The following ELOVL2 variants were observed in gnomAD, a reference collection of about 807,000 sequenced individuals.
ELOVL2 encodes the protein very long chain fatty acid elongase 2.
A neutral mutation model predicts 37.7 loss-of-function variants in ELOVL2; 38 were observed. The ratio of observed to expected loss-of-function variants is 1.01; its 90% CI spans 0.78 to 1.32. The LOEUF is 1.32. Among genes scored for constraint, ELOVL2 ranks in the 40% most tolerant of loss-of-function variants. ELOVL2 has a pLI of 0.00. For synonymous variants in ELOVL2, 115 were observed against 122.3 expected (o/e 0.94, Z 0.40); for missense variants, 352 against 363.6 (o/e 0.97, Z 0.26).
chr6:10,985,346 G>A (rs1407855806), intron 7 of ELOVL2, among the ~76,000 whole-genome samples: 3 of 151,662 alleles, frequency 2.0e-5, no homozygotes, highest in Non-Finnish European at 2.9e-5. Flanking sequence ...CTTTTGCTGT[G>A]CAGAAGTTCT....
intron 1 of ELOVL2, among the ~76,000 whole-genome samples, chr6:11,029,334 G>C (rs1336005042): frequency 6.6e-6 from 1 of 151,612 alleles, no homozygotes; most frequent in Admixed American, 6.6e-5. Flanking sequence ...AAGTCGCTGC[G>C]TAACTTTGGG....
At chr6:10,989,617 C>A (rs1782109307) in intron 7 of ELOVL2, 86 bp downstream of exon 7, 5 of 1,366,436 alleles carry the variant, frequency 3.7e-6, no homozygotes, top group Middle Eastern at 4.3e-4. Context: ...CCAGCCTGGG[C>A]AATAAGAGCG....
chr6:11,024,120 T>C (rs560877018), intron 1 of ELOVL2, among the ~76,000 whole-genome samples: 1 of 152,332 alleles, frequency 6.6e-6, no homozygotes, highest in African/African-American at 2.4e-5. Flanking sequence ...GAGTATTATC[T>C]ATTTTACAGA....
At chr6:11,037,473 A>G (rs1399696001) in intron 1 of ELOVL2, among the ~76,000 whole-genome samples, 3 of 151,978 alleles carry the variant, frequency 2.0e-5, no homozygotes, top group African/African-American at 7.3e-5. Flanking sequence ...ACCATATATG[A>G]TATCAAAATT....
intron 4 of ELOVL2, among the ~76,000 whole-genome samples, chr6:10,997,063 ATC>A (rs1358605881): frequency 6.6e-6 from 1 of 151,824 alleles, no homozygotes; most frequent in East Asian, 2.0e-4. Flanking sequence ...GGTTTTTACC[ATC>A]TGTCTTAATA....
At chr6:10,984,521 C>G (rs1006276624) in intron 7 of ELOVL2, among the ~76,000 whole-genome samples, 5 of 120,920 alleles carry the variant, frequency 4.1e-5, no homozygotes, top group African/African-American at 1.6e-4. Flanking sequence ...TCCCCCCACC[C>G]CACAACAGTC....
intron 1 of ELOVL2, among the ~76,000 whole-genome samples, chr6:11,033,804 T>C (rs1258042810): frequency 6.6e-6 from 1 of 152,326 alleles, no homozygotes; most frequent in East Asian, 1.9e-4. Context: ...AAATCCATCA[T>C]GACAGGAATA....
Position 10,983,472 on chromosome 6 carries a change from C to A in ELOVL2, c.*309G>T, listed in dbSNP as rs773884175. 9.5e-5 allele frequency: 19 copies of A among 199,610 alleles called. 1 individual carries two copies. In the South Asian group the frequency reaches 1.2e-3, roughly 13 times the overall value. 12.4% of individuals were successfully genotyped at this position (199,610 alleles called of 1,614,324 possible). On this transcript the variant is annotated 3_prime_UTR_variant, in exon 8 of 8. Transcript: ENST00000354666. ...CTGTGAGAAACAATGCTCCACGTTT[C>A]CTGGCTGTGTATGCGTATAAGGCGT... is the stretch of plus-strand genomic sequence containing the variant.
rs1781963055 is a variant in ELOVL2, at chr6:10,982,779, T to C, written c.*1002A>G. The C allele has an allele frequency of 6.6e-6, 1 of 152,082 alleles. No homozygotes were observed. 9.4% of individuals were successfully genotyped at this position (152,082 alleles called of 1,614,324 possible). ...AAAAACTTAAATAACCTGTGAAGAG[T>C]GACAACAGGTATCTGAGGTAATATT... On this transcript the variant is annotated 3_prime_UTR_variant, in exon 8 of 8. Coordinates refer to ENST00000354666, the MANE Select transcript of ELOVL2 (RefSeq NM_017770.4).
At position 10,982,693 on chromosome 6, in the gene ELOVL2, C is replaced by G. The variant is rs1781960971; in HGVS notation, c.*1088G>C. ...TGGCATTTTTTATCGTGGCTCATGACCGGCCCACGGCTCAGTGCTGGAATC... is the reference window on the plus strand; with the variant it reads ...TGGCATTTTTTATCGTGGCTCATGAGCGGCCCACGGCTCAGTGCTGGAATC... On this transcript the variant is annotated 3_prime_UTR_variant, in exon 8 of 8. Coordinates refer to ENST00000354666, the MANE Select transcript of ELOVL2 (RefSeq NM_017770.4). 1 of 152,166 alleles carries G rather than the reference C, an allele frequency of 6.6e-6. No individual in the cohort carries two copies. Among genetic ancestry groups the G allele is most frequent in the South Asian group, 2.1e-4 (1 of 4,826 alleles). 9.4% of individuals were successfully genotyped at this position (152,166 alleles called of 1,614,324 possible). A position where few individuals can be genotyped will look rare whatever the true frequency, so the allele number is the denominator to read the frequency against.
At chr6:11,021,132 T>C (rs1290331272) in intron 1 of ELOVL2, among the ~76,000 whole-genome samples, 1 of 152,240 alleles carries the variant, frequency 6.6e-6, no homozygotes, top group East Asian at 1.9e-4. Flanking sequence ...TTGCTAAGTC[T>C]CTGCTCCTTC....
At chr6:10,999,872 A>G (rs1290874412) in intron 4 of ELOVL2, among the ~76,000 whole-genome samples, 1 of 152,190 alleles carries the variant, frequency 6.6e-6, no homozygotes, top group African/African-American at 2.4e-5. Flanking sequence ...TCCACTTGGT[A>G]GAGGCATCTG....
rs1214132056 is a variant in ELOVL2, at chr6:10,982,825, AGAGTT to A, written c.*951_*955del. The A allele has an allele frequency of 3.9e-5, 6 of 152,242 alleles. No individual in the cohort carries two copies. Among genetic ancestry groups the A allele is most frequent in the African/African-American group, 1.4e-4 (6 of 41,460 alleles). 9.4% of individuals were successfully genotyped at this position (152,242 alleles called of 1,614,324 possible). A position where few individuals can be genotyped will look rare whatever the true frequency, so the allele number is the denominator to read the frequency against. On this transcript the variant is annotated 3_prime_UTR_variant, in exon 8 of 8. Coordinates refer to ENST00000354666, the MANE Select transcript of ELOVL2 (RefSeq NM_017770.4). ...ATATTCACAAGTAGGCTCACAAAAA[AGAGTT>A]GACGAATTCAGTGCCTATTTTGCTC...
intron 1 of ELOVL2, among the ~76,000 whole-genome samples, chr6:11,014,411 G>A (rs202187721): frequency 2.7e-5 from 4 of 150,314 alleles, no homozygotes; most frequent in Non-Finnish European, 5.9e-5. Context: ...TGCAGGAGGC[G>A]GAGGTTGCAG....
At position 10,981,225 on chromosome 6, in the gene ELOVL2, A is replaced by C. The variant is rs1781929424; in HGVS notation, c.*2556T>G. The stretch of plus-strand genomic sequence containing the variant: ...TAATAGATATGCTTTACAGTATTTA[A>C]GTATTTTCATTCCCATGGGTCAGAG... On this transcript the variant is annotated 3_prime_UTR_variant, in exon 8 of 8. Transcript: ENST00000354666. The C allele has an allele frequency of 6.6e-6, 1 of 152,504 alleles. No homozygotes were observed. The highest frequency in any genetic ancestry group is 2.1e-4 in the South Asian group (1 of 4,824). 9.4% of individuals were successfully genotyped at this position (152,504 alleles called of 1,614,324 possible).
intron 1 of ELOVL2, among the ~76,000 whole-genome samples, chr6:11,023,337 C>T (rs1221733763): frequency 6.6e-6 from 1 of 152,138 alleles, no homozygotes; most frequent in Non-Finnish European, 1.5e-5. Flanking sequence ...AGCAGGTTGG[C>T]TATTCTGCAT....
chr6:11,014,824 G>A (rs1395746771), intron 1 of ELOVL2, among the ~76,000 whole-genome samples: 1 of 152,082 alleles, frequency 6.6e-6, no homozygotes, highest in African/African-American at 2.4e-5. Context: ...GAAACTATAG[G>A]AATTCTTTGA....
chr6:11,002,225 G>A (rs1286172284), intron 3 of ELOVL2, among the ~76,000 whole-genome samples: 1 of 152,136 alleles, frequency 6.6e-6, no homozygotes, highest in East Asian at 1.9e-4. Flanking sequence ...CAACTCCAAT[G>A]TCACCTTTTC....
chr6:10,987,476 G>A (rs1782072422), intron 7 of ELOVL2, among the ~76,000 whole-genome samples: 2 of 152,048 alleles, frequency 1.3e-5, no homozygotes. Flanking sequence ...GCTTTCTCTT[G>A]TGGGCATTTA....
Sources: gnomAD v4.1 joint callset for allele counts (sites outside exome capture counted in the v4.1 genomes callset) on GRCh38, gnomAD v4.1.1 for gene constraint, MANE v1.5 for transcripts, NCBI Gene and HGNC (gene_info 2026-07-23, HGNC 2026-07-21) for gene names.